Variants in FAM217A observed in about 807,000 individuals in gnomAD.
FAM217A encodes protein FAM217A.
FAM217A carries 13 observed loss-of-function variants against 18.5 expected under a neutral mutation model. The ratio of observed to expected loss-of-function variants is 0.70; its 90% confidence interval spans 0.46 to 1.12. The LOEUF is 1.12. Among genes scored for constraint, FAM217A ranks in the 50% most tolerant of loss-of-function variants. The probability of loss-of-function intolerance (pLI) is 0.00; values close to 1 mark genes in which losing one functional copy is unlikely to be tolerated. For missense variants in FAM217A, 560 were observed against 575.4 expected, an observed-to-expected ratio of 0.97 and a Z score of 0.27; for synonymous variants, 161 against 202.8, an observed-to-expected ratio of 0.79 and a Z score of 1.75.
rs1443990990 is a variant in FAM217A, at chr6:4,079,067, G to A, written c.-250C>T. 5.5e-6 allele frequency: 2 copies of A among 364,938 alleles called. No homozygotes were observed. The allele number at this position is 364,938 out of a possible 1,614,324, so 22.6% of individuals were successfully genotyped here. A position where few individuals can be genotyped will look rare whatever the true frequency, so the allele number is the denominator to read the frequency against. ...TGCGAAGCCCGCGGGCCGGCGCAGGGGTGGGAGTCGGGCCCGGGGCCCAGA... is the reference window on the plus strand; with the variant it reads ...TGCGAAGCCCGCGGGCCGGCGCAGGAGTGGGAGTCGGGCCCGGGGCCCAGA... On this transcript the variant is annotated 5_prime_UTR_variant, in exon 1 of 7. Coordinates refer to ENST00000274673, the MANE Select transcript of FAM217A (RefSeq NM_173563.3).
chr6:4,085,730 A>C (rs1303562001), intron 1 of FAM217A, among the ~76,000 whole-genome samples: 1 of 152,212 alleles, frequency 6.6e-6, no homozygotes, highest in Non-Finnish European at 1.5e-5. Context: ...GGTTCTTGTT[A>C]GTTATATAAC....
chr6:4,087,262 C>A (rs984961612), upstream of FAM217A: 2 of 1,203,436 alleles, frequency 1.7e-6, no homozygotes, highest in Admixed American at 4.1e-5. Flanking sequence ...CATGTCCAGA[C>A]GCAAGACTGG....
chr6:4,083,077 C>A (rs1770406969), upstream of FAM217A, among the ~76,000 whole-genome samples: 1 of 152,150 alleles, frequency 6.6e-6, no homozygotes, highest in Non-Finnish European at 1.5e-5. Flanking sequence ...TTTAGCTGAT[C>A]CTGAGTGAAA....
At chr6:4,082,160 A>G (rs1318886676), upstream of FAM217A, among the ~76,000 whole-genome samples, 2 of 152,168 alleles carry the variant, frequency 1.3e-5, no homozygotes, top group Admixed American at 1.3e-4. Flanking sequence ...TATGAAAGCG[A>G]CAACTTGGAA....
At chr6:4,086,703 G>C (rs762415690) in intron 1 of FAM217A, among the ~76,000 whole-genome samples, 1 of 152,120 alleles carries the variant, frequency 6.6e-6, no homozygotes. Flanking sequence ...ATGAAGAGTA[G>C]AGCAATTATG....
chr6:4,078,954 T>C lies in FAM217A; in HGVS notation c.-137A>G. ...GGCTGACGGCTTGGAGGGCGCCCCC[T>C]CTGCCGCGGCCTTCCTGCAGCGGGG... On this transcript the variant is annotated 5_prime_UTR_variant, in exon 1 of 7. Transcript: ENST00000274673. 5.5e-6 allele frequency: 3 copies of C among 541,470 alleles called. No individual in the cohort carries two copies. Among genetic ancestry groups the C allele is most frequent in the Non-Finnish European group, 3.3e-6 (1 of 306,692 alleles). The allele number at this position is 541,470 out of a possible 1,614,324, so 33.5% of individuals were successfully genotyped here.
intron 6 of FAM217A, among the ~76,000 whole-genome samples, chr6:4,072,498 C>T (rs1465591524): frequency 2.7e-5 from 4 of 150,574 alleles, no homozygotes; most frequent in Non-Finnish European, 4.4e-5. Context: ...CATGGTGGCT[C>T]ACACCTGTAA....
chr6:4,078,970 T>C lies in FAM217A; in HGVS notation c.-153A>G. 7 of 516,596 alleles carry C rather than the reference T, an allele frequency of 1.4e-5. No homozygotes were observed. The highest frequency in any genetic ancestry group is 2.0e-5 in the Non-Finnish European group (6 of 293,128). 32.0% of individuals were successfully genotyped at this position (516,596 alleles called of 1,614,324 possible). A position where few individuals can be genotyped will look rare whatever the true frequency, so the allele number is the denominator to read the frequency against. On this transcript the variant is annotated 5_prime_UTR_variant, in exon 1 of 7. Transcript: ENST00000274673. ...GGCGCCCCCTCTGCCGCGGCCTTCC[T>C]GCAGCGGGGGGACAAAGAGGGCGGC...
chr6:4,072,294 C>A lies in FAM217A; in HGVS notation c.302+981G>T, dbSNP rs557791417. ...GGCAGAGGTTGCAGTGAGCTGAGAT[C>A]GTGCCATTGCACTCCAGCATGGGCA... On this transcript the variant is annotated intron_variant, in intron 6 of 6. Transcript: ENST00000274673. 2.0e-5 allele frequency among the ~76,000 whole-genome samples: 3 copies of A among 151,656 alleles called. No homozygotes were observed. The South Asian group carries it at 6.3e-4, about 32-fold the overall frequency.
rs1769177103 is a variant in FAM217A at position 4,068,564 on chromosome 6, T to C, written c.*132A>G. Reference sequence around the variant, plus strand: ...AGTGCTTTTCACAAGTTCTACTCCATATCACATCAAGCAACTGTTTGGTGA... The same window carrying C: ...AGTGCTTTTCACAAGTTCTACTCCACATCACATCAAGCAACTGTTTGGTGA... On this transcript the variant is annotated 3_prime_UTR_variant, in exon 7 of 7. Transcript: ENST00000274673. 4 of 976,646 alleles carry C rather than the reference T, an allele frequency of 4.1e-6. No individual in the cohort carries two copies. Among genetic ancestry groups the C allele is most frequent in the Non-Finnish European group, 6.0e-6 (4 of 668,932 alleles). 60.5% of individuals were successfully genotyped at this position (976,646 alleles called of 1,614,324 possible).
At chr6:4,086,269 A>G (rs1770651050) in intron 1 of FAM217A, among the ~76,000 whole-genome samples, 1 of 151,950 alleles carries the variant, frequency 6.6e-6, no homozygotes, top group African/African-American at 2.4e-5. Flanking sequence ...CAACATGGAG[A>G]AACTTTGTCT....
Position 4,078,838 on chromosome 6 carries a change from G to C in FAM217A, c.-35+14C>G. 2.2e-6 allele frequency: 1 copy of C among 454,350 alleles called. No homozygotes were observed. The highest frequency in any genetic ancestry group is 3.9e-5 in the South Asian group (1 of 25,636). The allele number at this position is 454,350 out of a possible 1,614,324, so 28.1% of individuals were successfully genotyped here. Reference sequence around the variant, plus strand: ...GGGCTGCGGGATTCCCCGGGGCCGGGGCTCTCAACCCACCGCGCGAAGGCC... The same window carrying C: ...GGGCTGCGGGATTCCCCGGGGCCGGCGCTCTCAACCCACCGCGCGAAGGCC... On this transcript the variant is annotated intron_variant, in intron 1 of 6. Transcript: ENST00000274673.
At position 4,077,340 on chromosome 6, in the gene FAM217A, C is replaced by T; in HGVS notation, c.60+15G>A. 1 of 1,614,118 alleles carries T rather than the reference C, an allele frequency of 6.2e-7. No individual in the cohort carries two copies. Among genetic ancestry groups the T allele is most frequent in the Non-Finnish European group, 8.5e-7 (1 of 1,179,988 alleles). On this transcript the variant is annotated intron_variant, in intron 2 of 6. Transcript: ENST00000274673. ...CCGCTGCCCAAACACTCAAGTTCAA[C>T]AGCGCCTGCCATACCTCCTGAGAGA...
At chr6:4,070,767 G>A (rs1769346686) in intron 6 of FAM217A, among the ~76,000 whole-genome samples, 1 of 152,170 alleles carries the variant, frequency 6.6e-6, no homozygotes, top group Non-Finnish European at 1.5e-5. Flanking sequence ...CACTTTGGGA[G>A]GCCAAGGCAG....
chr6:4,086,972 G>C, intron 1 of FAM217A: 1 of 398,968 alleles, frequency 2.5e-6, no homozygotes, highest in Non-Finnish European at 4.4e-6. Context: ...GTATTAGTTT[G>C]GATAAGAACA....
chr6:4,073,385 A>G, intron 5 of FAM217A, 43 bp from the exon 6 acceptor site: 1 of 1,588,818 alleles, frequency 6.3e-7, no homozygotes, highest in Non-Finnish European at 8.6e-7. Flanking sequence ...GTAGCTGCAT[A>G]TATTTTTAAA....
chr6:4,074,501 G>A lies in FAM217A; in HGVS notation c.146-45C>T, dbSNP rs774659669. The A allele has an allele frequency of 7.6e-6, 12 of 1,579,426 alleles. 1 individual carries two copies. In the South Asian group the frequency reaches 1.1e-4, roughly 15 times the overall value. ...TGACAATTAATAGTTACATAAAACT[G>A]ATTATATTCAAAACAAACCCCCTTT... is the stretch of plus-strand genomic sequence containing the variant. On this transcript the variant is annotated intron_variant, in intron 3 of 6. Coordinates refer to ENST00000274673, the MANE Select transcript of FAM217A (RefSeq NM_173563.3).
upstream of FAM217A, among the ~76,000 whole-genome samples, chr6:4,080,209 CTCTT>C (rs1193153613): frequency 1.3e-5 from 2 of 152,208 alleles, no homozygotes; most frequent in African/African-American, 4.8e-5. Context: ...TGACTCCTGA[CTCTT>C]TCCTCTGCAT....
rs774014864 is a variant in FAM217A, at chr6:4,073,297, C to T, written c.280G>A (p.Glu94Lys). 1.2e-6 allele frequency: 2 copies of T among 1,609,130 alleles called. No individual in the cohort carries two copies. Among genetic ancestry groups the T allele is most frequent in the Admixed American group, 1.7e-5 (1 of 59,704 alleles). ...TACCTCTTCTCTATGGTACTTCCTT[C>T]ATTAAGAGGACAATTCCATAATTGA... is the stretch of plus-strand genomic sequence containing the variant. ...IFQLWNCPLN[E>K]GSTIEKREFK... Residue 94 changes from glutamate to lysine, a missense_variant, in exon 6 of 7, where the codon GAA (glutamate) becomes AAA (lysine). Transcript: ENST00000274673.
Sources: gnomAD v4.1 joint callset for allele counts (sites outside exome capture counted in the v4.1 genomes callset) on GRCh38, gnomAD v4.1.1 for gene constraint, MANE v1.5 for transcripts, NCBI Gene and HGNC (gene_info 2026-07-23, HGNC 2026-07-21) for gene names.